TRAPPC8: variants seen among roughly 807,000 people sequenced by gnomAD.
The protein encoded by TRAPPC8 is general sporulation gene 1 homolog.
A neutral mutation model predicts 174.3 loss-of-function variants in TRAPPC8; 54 were observed. That is an observed-to-expected ratio of 0.31 (90% CI 0.25 to 0.39). The LOEUF (loss-of-function observed/expected upper bound fraction) is 0.39. TRAPPC8 is among the 10% of genes least tolerant of loss of function. The probability of loss-of-function intolerance (pLI) is 1.00; values close to 1 mark genes in which losing one functional copy is unlikely to be tolerated. For missense variants in TRAPPC8, 1,531 were observed against 1,699.1 expected (o/e 0.90, Z 1.74); for synonymous variants, 630 against 579.9 (o/e 1.09, Z -1.24).
chr18:31,849,415 G>T lies in TRAPPC8; in HGVS notation c.3735+151C>A, dbSNP rs142972912. ...CTAATTTGAATGAATTCTTTTTTTA[G>T]GCCAAAAAAAAATATGTAACTGTTA... On this transcript the variant is annotated intron_variant, in intron 25 of 28. Coordinates refer to ENST00000283351, the MANE Select transcript of TRAPPC8 (RefSeq NM_014939.5). 3.9e-3 allele frequency: 2,474 copies of T among 640,062 alleles called. 7 individuals carry two copies. Among genetic ancestry groups the T allele is most frequent in the Admixed American group, 5.9e-3 (146 of 24,610 alleles). 39.6% of individuals were successfully genotyped at this position (640,062 alleles called of 1,614,324 possible). A position where few individuals can be genotyped will look rare whatever the true frequency, so the allele number is the denominator to read the frequency against.
At chr18:31,933,486 T>C (rs2037943730) in intron 1 of TRAPPC8, among the ~76,000 whole-genome samples, 1 of 152,144 alleles carries the variant, frequency 6.6e-6, no homozygotes, top group African/African-American at 2.4e-5. Flanking sequence ...ATCATTTTAG[T>C]GATTTAGGTG....
At chr18:31,883,346 TA>T (rs1395035032) in intron 12 of TRAPPC8, 1 of 150,590 alleles carries the variant, frequency 6.6e-6, no homozygotes, top group East Asian at 1.9e-4. Context: ...AAACACACTA[TA>T]AAAGTACACC....
At chr18:31,887,923 A>G (rs1192320109) in intron 12 of TRAPPC8, among the ~76,000 whole-genome samples, 1 of 152,168 alleles carries the variant, frequency 6.6e-6, no homozygotes, top group Non-Finnish European at 1.5e-5. Flanking sequence ...TTTGTCTGCA[A>G]ATGACATGAT....
chr18:31,876,906 G>A (rs1249227121), intron 12 of TRAPPC8, among the ~76,000 whole-genome samples: 4 of 152,262 alleles, frequency 2.6e-5, no homozygotes, highest in East Asian at 3.9e-4. Flanking sequence ...CCTGAACTGA[G>A]ACAGGAGATA....
chr18:31,862,385 A>T (rs1011454407), intron 19 of TRAPPC8, among the ~76,000 whole-genome samples: 1 of 152,072 alleles, frequency 6.6e-6, no homozygotes, highest in Non-Finnish European at 1.5e-5. Context: ...TGACACAGAA[A>T]GAAATAAGGA....
At chr18:31,836,824 C>A (rs868224917) in intron 27 of TRAPPC8, among the ~76,000 whole-genome samples, 1 of 147,948 alleles carries the variant, frequency 6.8e-6, no homozygotes, top group Non-Finnish European at 1.5e-5. Flanking sequence ...TGCAGTGGCA[C>A]GATCTCGGCT....
chr18:31,900,911 A>T lies in TRAPPC8; in HGVS notation c.1490+14T>A. The T allele has an allele frequency of 1.3e-6, 2 of 1,563,742 alleles. No homozygotes were observed. Among genetic ancestry groups the T allele is most frequent in the Non-Finnish European group, 1.7e-6 (2 of 1,158,500 alleles). On this transcript the variant is annotated intron_variant, in intron 10 of 28. Transcript: ENST00000283351. Reference sequence around the variant, plus strand: ...TTTAACTGGATACAATATAAATCTTATATAGTCACCTACTTGCAGATATCT... The same window carrying T: ...TTTAACTGGATACAATATAAATCTTTTATAGTCACCTACTTGCAGATATCT...
rs140392877 is a variant in TRAPPC8, at chr18:31,922,356, G to C, written c.353-4689C>G. ...GCCTGTAATCCCAGCACTTTGGGAG[G>C]CTGAGGTGGAGGGATCACTTGAGCC... is the stretch of plus-strand genomic sequence containing the variant. On this transcript the variant is annotated intron_variant, in intron 2 of 28. Coordinates refer to ENST00000283351, the MANE Select transcript of TRAPPC8 (RefSeq NM_014939.5). 1.7e-4 allele frequency among the ~76,000 whole-genome samples: 26 copies of C among 152,308 alleles called. 1 individual carries two copies. The South Asian group carries it at 5.4e-3, about 32-fold the overall frequency.
At chr18:31,831,080 C>G in intron 28 of TRAPPC8, 91 bp from the exon 29 acceptor site, 1 of 1,053,138 alleles carries the variant, frequency 9.5e-7, no homozygotes, top group Non-Finnish European at 1.4e-6. Context: ...CAGCTGGGCG[C>G]GGTGGCTCAC....
intron 2 of TRAPPC8, among the ~76,000 whole-genome samples, chr18:31,927,504 G>T (rs28540496): frequency 3.6e-4 from 54 of 151,912 alleles, no homozygotes; most frequent in South Asian, 2.9e-3. Flanking sequence ...TGATCCACCC[G>T]TCTCAGCCTC....
intron 21 of TRAPPC8, among the ~76,000 whole-genome samples, chr18:31,854,439 A>T (rs1288476018): frequency 1.3e-5 from 2 of 152,144 alleles, no homozygotes; most frequent in Non-Finnish European, 2.9e-5. Context: ...GCTAATCTGA[A>T]ATTATTAAAA....
At chr18:31,874,083 C>G in intron 13 of TRAPPC8, 1 of 226,104 alleles carries the variant, frequency 4.4e-6, no homozygotes. Flanking sequence ...CAGATCCATA[C>G]CCCCTCATCT....
At chr18:31,932,707 C>A (rs2037900011) in intron 1 of TRAPPC8, among the ~76,000 whole-genome samples, 1 of 152,044 alleles carries the variant, frequency 6.6e-6, no homozygotes, top group Non-Finnish European at 1.5e-5. Flanking sequence ...CAGGGCTGGG[C>A]ACAGTGGCTC....
At chr18:31,904,395 C>G (rs985657696) in intron 9 of TRAPPC8, among the ~76,000 whole-genome samples, 8 of 152,090 alleles carry the variant, frequency 5.3e-5, no homozygotes, top group African/African-American at 1.7e-4. Context: ...ACTAAAAATA[C>G]AAAATTAGCC....
intron 12 of TRAPPC8, among the ~76,000 whole-genome samples, chr18:31,878,916 CAAG>C (rs2035291060): frequency 6.6e-6 from 1 of 151,988 alleles, no homozygotes; most frequent in Non-Finnish European, 1.5e-5. Context: ...TTCAATTCAA[CAAG>C]AAGATTTAAC....
intron 26 of TRAPPC8, among the ~76,000 whole-genome samples, 168 bp from the exon 27 acceptor site, chr18:31,839,625 T>A (rs933358645): frequency 1.3e-5 from 2 of 152,240 alleles, no homozygotes; most frequent in African/African-American, 4.8e-5. Context: ...CAGTGTAATC[T>A]AAGATAAAAA....
intron 6 of TRAPPC8, 64 bp from the exon 7 acceptor site, chr18:31,909,074 C>A: frequency 1.4e-6 from 2 of 1,397,530 alleles, no homozygotes; most frequent in South Asian, 1.5e-5. Context: ...CTAATACTAC[C>A]ATACTGCTAA....
intron 2 of TRAPPC8, among the ~76,000 whole-genome samples, chr18:31,926,294 T>C (rs1490305260): frequency 6.6e-6 from 1 of 152,216 alleles, no homozygotes; most frequent in East Asian, 1.9e-4. Flanking sequence ...GGACCAATTT[T>C]TACCACATAG....
intron 27 of TRAPPC8, among the ~76,000 whole-genome samples, chr18:31,834,422 T>C (rs1191400846): frequency 6.6e-6 from 1 of 152,094 alleles, no homozygotes; most frequent in Non-Finnish European, 1.5e-5. Context: ...GGGACCACAT[T>C]TTGAAAACTG....
Sources: gnomAD v4.1 joint callset for allele counts (sites outside exome capture counted in the v4.1 genomes callset) on GRCh38, gnomAD v4.1.1 for gene constraint, MANE v1.5 for transcripts, NCBI Gene and HGNC (gene_info 2026-07-23, HGNC 2026-07-21) for gene names.